RARB: variants seen among roughly 807,000 people sequenced by gnomAD.
RARB encodes retinoic acid receptor beta.
A neutral mutation model predicts 51.9 loss-of-function variants in RARB; 17 were observed. The ratio of observed to expected loss-of-function variants is 0.33; its 90% CI spans 0.22 to 0.49. The LOEUF (loss-of-function observed/expected upper bound fraction) is 0.49. Among genes scored for constraint, RARB ranks in the 20% least tolerant of loss-of-function variants. The pLI, the probability that RARB is intolerant of heterozygous loss-of-function variation, is 0.99. For synonymous variants in RARB, 215 were observed against 195.4 expected, an observed-to-expected ratio of 1.10 and a Z score of -0.84; for missense variants, 369 against 550.8, an observed-to-expected ratio of 0.67 and a Z score of 3.30.
chr3:24,943,302 C>G (rs191249476), intron 2 of RARB, among the ~76,000 whole-genome samples: 13 of 152,124 alleles, frequency 8.5e-5, no homozygotes, highest in African/African-American at 3.1e-4. Context: ...TTTCTGCTTG[C>G]AATGTGATTA....
intron 2 of RARB, among the ~76,000 whole-genome samples, chr3:24,991,243 C>G (rs1365520073): frequency 6.6e-6 from 1 of 152,114 alleles, no homozygotes; most frequent in Non-Finnish European, 1.5e-5. Flanking sequence ...GAGTTCAAGA[C>G]CAGCCTGGTC....
chr3:25,312,879 C>A (rs1704324377), intron 5 of RARB, among the ~76,000 whole-genome samples: 1 of 152,168 alleles, frequency 6.6e-6, no homozygotes, highest in Non-Finnish European at 1.5e-5. Flanking sequence ...TTCCCTGTTG[C>A]CGCCAGTCCT....
At chr3:25,349,350 T>C (rs1365996756) in intron 5 of RARB, among the ~76,000 whole-genome samples, 4 of 152,206 alleles carry the variant, frequency 2.6e-5, no homozygotes, top group African/African-American at 7.2e-5. Flanking sequence ...ATGGCCAGCA[T>C]GTGGCTGCTG....
chr3:25,523,146 T>C (rs1473255897), intron 3 of RARB, among the ~76,000 whole-genome samples: 1 of 152,226 alleles, frequency 6.6e-6, no homozygotes, highest in Non-Finnish European at 1.5e-5. Context: ...TGGTTTCCAG[T>C]AAGTTTCCCC....
intron 2 of RARB, among the ~76,000 whole-genome samples, chr3:24,926,311 A>G (rs574346523): frequency 8.5e-6 from 1 of 117,468 alleles, no homozygotes; most frequent in South Asian, 2.5e-4. Flanking sequence ...TTAAAAATAT[A>G]GGGTACCCTG....
intron 2 of RARB, among the ~76,000 whole-genome samples, chr3:24,872,578 A>C (rs1022078576): frequency 6.6e-6 from 1 of 152,120 alleles, no homozygotes; most frequent in Non-Finnish European, 1.5e-5. Flanking sequence ...GTTGTGACAC[A>C]TGCTGAAAGA....
intron 5 of RARB, among the ~76,000 whole-genome samples, chr3:25,229,555 A>G (rs536672258): frequency 2.0e-5 from 3 of 152,128 alleles, no homozygotes; most frequent in Non-Finnish European, 2.9e-5. Flanking sequence ...TATATTGTAT[A>G]CTAGTTAAAA....
intron 5 of RARB, among the ~76,000 whole-genome samples, chr3:25,189,320 C>T (rs1177223654): frequency 2.0e-5 from 3 of 152,130 alleles, no homozygotes; most frequent in South Asian, 4.1e-4. Flanking sequence ...AAATGATCTT[C>T]ATAGCCTTCG....
intron 5 of RARB, among the ~76,000 whole-genome samples, chr3:25,192,723 AACAC>A (rs1345902481): frequency 1.3e-5 from 2 of 152,052 alleles, no homozygotes; most frequent in African/African-American, 4.8e-5. Context: ...TGAACCACAA[AACAC>A]ACAGACACAC....
chr3:25,099,766 C>T (rs576733074), intron 3 of RARB, among the ~76,000 whole-genome samples: 2 of 152,092 alleles, frequency 1.3e-5, no homozygotes, highest in Admixed American at 6.6e-5. Flanking sequence ...CGAGTCTCGG[C>T]AATCATAGAC....
At chr3:25,267,004 A>T (rs1202685142) in intron 5 of RARB, among the ~76,000 whole-genome samples, 1 of 152,184 alleles carries the variant, frequency 6.6e-6, no homozygotes, top group East Asian at 1.9e-4. Context: ...AGCAACCACA[A>T]AGCTGCCTGT....
At chr3:25,536,860 C>G (rs1050776636) in intron 3 of RARB, among the ~76,000 whole-genome samples, 3 of 151,958 alleles carry the variant, frequency 2.0e-5, no homozygotes, top group African/African-American at 7.3e-5. Flanking sequence ...TTTTTAGAAG[C>G]CCTAGGAAAA....
chr3:25,272,800 C>T (rs1216153325), intron 5 of RARB, among the ~76,000 whole-genome samples: 1 of 152,160 alleles, frequency 6.6e-6, no homozygotes, highest in African/African-American at 2.4e-5. Context: ...ATACAGGAGA[C>T]TCCGGTTTGA....
chr3:24,923,991 GT>G (rs1695268358), intron 2 of RARB, among the ~76,000 whole-genome samples: 1 of 152,126 alleles, frequency 6.6e-6, no homozygotes, highest in Non-Finnish European at 1.5e-5. Flanking sequence ...AATTAAATCT[GT>G]GATCTATTAA....
rs1403562741 is a variant in RARB at position 24,897,841 on chromosome 3, C to T, written c.-380+39089C>T. Among the ~76,000 whole-genome samples, 3 of 151,256 alleles carry T rather than the reference C, an allele frequency of 2.0e-5. No individual in the cohort carries two copies. In the South Asian group the frequency reaches 6.3e-4, roughly 32 times the overall value. Reference sequence around the variant, plus strand: ...AAGAAACTGCCGGACATCTAAGAAACTTCCTTTTGCTAATTTGCATTGTGA... The same window carrying T: ...AAGAAACTGCCGGACATCTAAGAAATTTCCTTTTGCTAATTTGCATTGTGA... On this transcript the variant is annotated intron_variant, in intron 2 of 11. Coordinates refer to the RARB transcript ENST00000383772.
At chr3:25,484,535 A>G (rs954989125) in intron 2 of RARB, among the ~76,000 whole-genome samples, 3 of 152,148 alleles carry the variant, frequency 2.0e-5, no homozygotes, top group South Asian at 2.1e-4. Context: ...CTGTTTTTGT[A>G]TGGCCAAGAG....
intron 5 of RARB, among the ~76,000 whole-genome samples, chr3:25,332,314 A>C (rs113250617): frequency 0.01 from 1,578 of 152,310 alleles, 11 homozygotes; most frequent in Middle Eastern, 0.027. Context: ...GCACATCAAA[A>C]AGGTTATCCA....
intron 5 of RARB, among the ~76,000 whole-genome samples, chr3:25,199,621 G>T (rs1021309180): frequency 6.6e-6 from 1 of 152,026 alleles, no homozygotes; most frequent in Non-Finnish European, 1.5e-5. Context: ...ACAGGCACTG[G>T]TGTGTGATGT....
intron 5 of RARB, among the ~76,000 whole-genome samples, chr3:25,400,183 A>C (rs116952867): frequency 1.3e-5 from 2 of 152,126 alleles, no homozygotes; most frequent in East Asian, 1.9e-4. Context: ...CAGCCATTCA[A>C]TTCTCCTCTG....
Sources: gnomAD v4.1 joint callset for allele counts (sites outside exome capture counted in the v4.1 genomes callset) on GRCh38, gnomAD v4.1.1 for gene constraint, MANE v1.5 for transcripts, NCBI Gene and HGNC (gene_info 2026-07-23, HGNC 2026-07-21) for gene names.